The following IFNL3 variants were observed in gnomAD, a reference collection of about 807,000 sequenced individuals.
The protein encoded by IFNL3 is interferon lambda 3, also known as interferon lambda-3.
Under a neutral mutation model 16.3 loss-of-function variants are expected in IFNL3, and 16 were observed. The ratio of observed to expected loss-of-function variants is 0.98; its 90% CI spans 0.67 to 1.50. The LOEUF is 1.50. Ranked by LOEUF, IFNL3 falls within the 40% of genes most tolerant of loss-of-function variation. The probability of loss-of-function intolerance (pLI) is 0.00; values close to 1 mark genes in which losing one functional copy is unlikely to be tolerated. For missense variants in IFNL3, 254 were observed against 253.5 expected (o/e 1.00, Z -0.01); for synonymous variants, 115 against 115.3 (o/e 1.00, Z 0.02).
At position 39,244,110 on chromosome 19, in the gene IFNL3, C is replaced by T. The variant is rs1263618005; in HGVS notation, c.306G>A (p.Leu102=). 2.5e-6 allele frequency: 4 copies of T among 1,614,186 alleles called. No individual in the cohort carries two copies. Among genetic ancestry groups the T allele is most frequent in the Non-Finnish European group, 1.7e-6 (2 of 1,180,034 alleles). The change falls in exon 3 of 5, where the codon CTG becomes CTA. Residue 102 remains leucine, a synonymous_variant. Transcript: ENST00000413851. Reference sequence around the variant, plus strand: ...TGTCAGCGGTGGCCTCCAGAACCTTCAGCGTCAGGGCCAGCTCAGCCTCCA... The same window carrying T: ...TGTCAGCGGTGGCCTCCAGAACCTTTAGCGTCAGGGCCAGCTCAGCCTCCA... ...VALEAELALT[L]KVLEATADTD... is the part of the protein sequence containing the mutation.
Position 39,244,924 on chromosome 19 carries a change from A to G in IFNL3, c.44T>C (p.Val15Ala), listed in dbSNP as rs780497389. The G allele has an allele frequency of 3.7e-6, 6 of 1,614,008 alleles. No homozygotes were observed. Among genetic ancestry groups the G allele is most frequent in the South Asian group, 1.1e-5 (1 of 91,074 alleles). The change falls in exon 1 of 5, where the codon GTG becomes GCG. Residue 15 changes from valine (V) to alanine (A), a missense_variant. Transcript: ENST00000413851. ...CMPVLVLMAAVLTVTGAVPVA... is the reference protein window; with the variant it reads ...CMPVLVLMAAALTVTGAVPVA... ...AGGAACTGCTCCAGTCACGGTCAGC[A>G]CTGCGGCCATCAGCACCAGCACTGG...
At chr19:39,244,688 G>A in intron 1 of IFNL3, 100 bp downstream of exon 1, 1 of 1,476,344 alleles carries the variant, frequency 6.8e-7, no homozygotes, top group Non-Finnish European at 9.1e-7. Flanking sequence ...AGGGAGGGTG[G>A]AGGCTAGCCC....
rs764239488 is a variant in IFNL3 at position 39,243,733 on chromosome 19, G to A, written c.493-3C>T. On this transcript the variant is annotated splice_polypyrimidine_tract_variant and splice_region_variant and intron_variant, in intron 4 of 4. Coordinates refer to ENST00000413851, the MANE Select transcript of IFNL3 (RefSeq NM_172139.4). ...GCCTCGAGGCAGCCAGGGGACTCCTGTAGGGAGGAGGGGATGGGTCAGGGG... is the reference window on the plus strand; with the variant it reads ...GCCTCGAGGCAGCCAGGGGACTCCTATAGGGAGGAGGGGATGGGTCAGGGG... 8.6e-5 allele frequency: 139 copies of A among 1,612,474 alleles called. No individual in the cohort carries two copies. The highest frequency in any genetic ancestry group is 1.6e-4 in the Middle Eastern group (1 of 6,082).
chr19:39,244,365 G>C, intron 2 of IFNL3, 52 bp downstream of exon 2: 5 of 1,508,072 alleles, frequency 3.3e-6, no homozygotes, highest in Non-Finnish European at 4.5e-6. Flanking sequence ...CCACTACAGA[G>C]CCAGGTGAGC....
intron 1 of IFNL3, 99 bp from the exon 2 acceptor site, chr19:39,244,593 A>T (rs1600453523): frequency 1.4e-6 from 2 of 1,437,396 alleles, no homozygotes; most frequent in East Asian, 4.9e-5. Context: ...AGGGGAGGTT[A>T]ACTGCTGGGA....
chr19:39,245,174 C>T, upstream of IFNL3: 1 of 1,022,070 alleles, frequency 9.8e-7, no homozygotes, highest in Non-Finnish European at 1.5e-6. Context: ...TTTTCAGTCC[C>T]CTCTTCTGGA....
chr19:39,244,275 G>A, intron 2 of IFNL3, 118 bp from the exon 3 acceptor site: 1 of 1,506,610 alleles, frequency 6.6e-7, no homozygotes, highest in South Asian at 1.2e-5. Context: ...CAGCCAGTGT[G>A]GTCAGGTAGG....
At chr19:39,244,220 G>A in intron 2 of IFNL3, 63 bp from the exon 3 acceptor site, 1 of 1,596,946 alleles carries the variant, frequency 6.3e-7, no homozygotes, top group Non-Finnish European at 8.5e-7. Context: ...GGGGGAGGAG[G>A]ATAGAGAGGA....
intron 2 of IFNL3, 98 bp from the exon 3 acceptor site, chr19:39,244,255 G>A (rs912969006): frequency 1.9e-6 from 3 of 1,549,000 alleles, no homozygotes; most frequent in Non-Finnish European, 1.8e-6. Context: ...CAGGCACAGG[G>A]GAGAGGGCAC....
rs746052822 is a variant in IFNL3 at position 39,244,045 on chromosome 19, T to C, written c.371A>G (p.His124Arg). ...ALGDVLDQPL[H>R]TLHHILSQLR... The stretch of plus-strand genomic sequence containing the variant: ...CTGGGAGAGGATATGGTGCAGGGTG[T>C]GAAGGGGCTGGTCCAAGACATCCCC... The change falls in exon 3 of 5, where the codon CAC becomes CGC. Residue 124 changes from histidine to arginine, a missense_variant. By Grantham distance (29) the His-to-Arg change is conservative. Coordinates refer to ENST00000413851, the MANE Select transcript of IFNL3 (RefSeq NM_172139.4). 3.1e-6 allele frequency: 5 copies of C among 1,613,940 alleles called. No individual in the cohort carries two copies. The highest frequency in any genetic ancestry group is 4.2e-6 in the Non-Finnish European group (5 of 1,180,030).
Position 39,244,838 on chromosome 19 carries a change from A to T in IFNL3, c.130T>A (p.Ser44Thr), listed in dbSNP as rs768807826. 1 of 1,613,770 alleles carries T rather than the reference A, an allele frequency of 6.2e-7. No homozygotes were observed. The highest frequency in any genetic ancestry group is 1.1e-5 in the South Asian group (1 of 91,074). ...ARGCHIAQFK[S>T]LSPQELQAFK... Reference sequence around the variant, plus strand: ...GCCTGCAGCTCCTGTGGAGACAGGGACTTGAACTGGGCTATGTGGCAGCCC... The same window carrying T: ...GCCTGCAGCTCCTGTGGAGACAGGGTCTTGAACTGGGCTATGTGGCAGCCC... The change falls in exon 1 of 5, where the codon TCC becomes ACC. Residue 44 changes from serine (S) to threonine (T), a missense_variant. Ser to Thr is a moderately conservative substitution (Grantham distance 58, BLOSUM62 1). Coordinates refer to ENST00000413851, the MANE Select transcript of IFNL3 (RefSeq NM_172139.4).
At position 39,244,103 on chromosome 19, in the gene IFNL3, G is replaced by C. The variant is rs1038256373; in HGVS notation, c.313C>G (p.Leu105Val). 5 of 1,614,074 alleles carry C rather than the reference G, an allele frequency of 3.1e-6. No homozygotes were observed. In the African/African-American group the frequency reaches 6.7e-5, roughly 22 times the overall value. ...EAELALTLKV[L>V]EATADTDPAL... ...GGGTCAGTGTCAGCGGTGGCCTCCA[G>C]AACCTTCAGCGTCAGGGCCAGCTCA... The change falls in exon 3 of 5, where the codon CTG (leucine) becomes GTG (valine). Residue 105 changes from leucine to valine, a missense_variant. Physicochemically the swap from Leu to Val is conservative, Grantham distance 32 (BLOSUM62 1). Coordinates refer to ENST00000413851, the MANE Select transcript of IFNL3 (RefSeq NM_172139.4).
At position 39,244,467 on chromosome 19, in the gene IFNL3, T is replaced by C. The variant is rs775735722; in HGVS notation, c.208A>G (p.Lys70Glu). Reference protein sequence around the residue: ...LEESLLLKDCKCRSRLFPRTW... With the variant: ...LEESLLLKDCECRSRLFPRTW... ...CTGGGGAAGAGGCGGGAGCGGCACT[T>C]GCAGTCCTTCAGCAGAAGCGACTCT... The change falls in exon 2 of 5, where the codon AAG becomes GAG. Residue 70 changes from lysine (K) to glutamate (E), a missense_variant. Lys to Glu is a moderately conservative substitution (Grantham distance 56). Transcript: ENST00000413851. The C allele has an allele frequency of 2.5e-6, 4 of 1,610,028 alleles. No homozygotes were observed. The highest frequency in any genetic ancestry group is 3.4e-6 in the Non-Finnish European group (4 of 1,178,128).
rs2144971107 is a variant in IFNL3, at chr19:39,244,858, C to A, written c.110G>T (p.Cys37Phe). 1 of 1,613,954 alleles carries A rather than the reference C, an allele frequency of 6.2e-7. No homozygotes were observed. The highest frequency in any genetic ancestry group is 2.2e-5 in the East Asian group (1 of 44,886). ...CAGGGACTTGAACTGGGCTATGTGG[C>A]AGCCCCTTGCATCCGGGAGAGCCCC... ...LRGALPDARG[C>F]HIAQFKSLSP... Residue 37 changes from cysteine (C) to phenylalanine (F), a missense_variant, in exon 1 of 5, where the codon TGC (cysteine) becomes TTC (phenylalanine). By Grantham distance (205) the Cys-to-Phe change is radical (BLOSUM62 -2). Coordinates refer to ENST00000413851, the MANE Select transcript of IFNL3 (RefSeq NM_172139.4).
At position 39,243,832 on chromosome 19, in the gene IFNL3, G is replaced by A; in HGVS notation, c.484C>T (p.Pro162Ser). The change falls in exon 4 of 5, where the codon CCA becomes TCA. Residue 162 changes from proline to serine, a missense_variant. By Grantham distance (74) the Pro-to-Ser change is moderately conservative. Coordinates refer to ENST00000413851, the MANE Select transcript of IFNL3 (RefSeq NM_172139.4). ...HHWLHRLQEA[P>S]KKESPGCLEA... ...CTTCCCGGGTCACTCACCTTTTTTG[G>A]GGCCTCCTGGAGCCGGTGCAGCCAA... 2.5e-6 allele frequency: 4 copies of A among 1,613,732 alleles called. No homozygotes were observed. The highest frequency in any genetic ancestry group is 3.4e-6 in the Non-Finnish European group (4 of 1,179,924).
At position 39,244,403 on chromosome 19, in the gene IFNL3, A is replaced by T. The variant is rs1469874659; in HGVS notation, c.258+14T>A. On this transcript the variant is annotated intron_variant, in intron 2 of 4. Transcript: ENST00000413851. Reference sequence around the variant, plus strand: ...GGCTGGGAGGGCAGGGGTGGGCCTGACTCCCCCTCTCACCTGCAGCTGCCT... The same window carrying T: ...GGCTGGGAGGGCAGGGGTGGGCCTGTCTCCCCCTCTCACCTGCAGCTGCCT... The T allele has an allele frequency of 1.2e-6, 2 of 1,605,058 alleles. No homozygotes were observed. Among genetic ancestry groups the T allele is most frequent in the Non-Finnish European group, 1.7e-6 (2 of 1,176,616 alleles).
At chr19:39,243,801 C>A (rs763251035) in intron 4 of IFNL3, 23 bp downstream of exon 4, 1 of 1,613,526 alleles carries the variant, frequency 6.2e-7, no homozygotes, top group Non-Finnish European at 8.5e-7. Context: ...AGACCTCAGT[C>A]CCTCTCTTCC....
In IFNL3 at chr19:39,244,285, G is replaced by A. The variant is rs1283798704; in HGVS notation, c.259-128C>T. ...GGGCACAGCCAGTGTGGTCAGGTAG[G>A]AGCAGAGGGAAGGGGTAGCAGGTGT... On this transcript the variant is annotated intron_variant, in intron 2 of 4. Transcript: ENST00000413851. 3.4e-6 allele frequency: 5 copies of A among 1,485,774 alleles called. No homozygotes were observed. The African/African-American group carries it at 5.5e-5, about 16-fold the overall frequency. 92.0% of individuals were successfully genotyped at this position (1,485,774 alleles called of 1,614,324 possible).
chr19:39,245,046 C>T (rs202129388), upstream of IFNL3: 19 of 1,611,772 alleles, frequency 1.2e-5, no homozygotes, highest in Admixed American at 1.7e-4. Flanking sequence ...GAGCTGAGCA[C>T]GGACAGAGAT....
Sources: gnomAD v4.1 joint callset for allele counts on GRCh38, gnomAD v4.1.1 for gene constraint, MANE v1.5 for transcripts, NCBI Gene and HGNC (gene_info 2026-07-23, HGNC 2026-07-21) for gene names.